The following HIVEP3 variants were observed in gnomAD, a reference collection of about 807,000 sequenced individuals.
The protein encoded by HIVEP3 is transcription factor HIVEP3.
In HIVEP3, 49 loss-of-function variants were observed where a neutral mutation model predicts 152.8. The observed-to-expected ratio is 0.32, with a 90% CI of 0.26 to 0.41. The LOEUF is 0.41. Ranked by LOEUF, HIVEP3 falls within the 10% of genes least tolerant of loss-of-function variation. The pLI is 1.00. For missense variants in HIVEP3, 2,790 were observed against 3,103.3 expected (o/e 0.90, Z 2.40); for synonymous variants, 1,269 against 1,289.0 (o/e 0.98, Z 0.33).
intron 1 of HIVEP3, among the ~76,000 whole-genome samples, chr1:41,746,876 T>G (rs4660562): frequency 0.32 from 48,461 of 151,982 alleles, 8,702 homozygotes; most frequent in East Asian, 0.47. Context: ...GGCTGCTGGG[T>G]GCAGGGTATA....
At chr1:41,928,126 C>G (rs534539082) in intron 1 of HIVEP3, among the ~76,000 whole-genome samples, 1 of 133,946 alleles carries the variant, frequency 7.5e-6, no homozygotes, top group African/African-American at 2.7e-5. Context: ...TTTTAAGAAA[C>G]AGTTAAATAA....
rs182308830 is a variant in HIVEP3 at position 41,804,815 on chromosome 1, C to T, written c.-800-103820G>A. Among the ~76,000 whole-genome samples, 4 of 152,310 alleles carry T rather than the reference C, an allele frequency of 2.6e-5. No homozygotes were observed. In the East Asian group the frequency reaches 5.8e-4, roughly 22 times the overall value. On this transcript the variant is annotated intron_variant, in intron 1 of 8. Coordinates refer to ENST00000372583, the MANE Select transcript of HIVEP3 (RefSeq NM_024503.5). The stretch of plus-strand genomic sequence containing the variant: ...GTGGATTAGAGGAGTTACTCACATG[C>T]TAGATTGTTTTAGAGCATCTCCTAT...
At chr1:41,648,945 T>C (rs564962189) in intron 2 of HIVEP3, among the ~76,000 whole-genome samples, 1 of 152,380 alleles carries the variant, frequency 6.6e-6, no homozygotes, top group South Asian at 2.1e-4. Context: ...GCTGCATAGT[T>C]GATGGCTTGG....
chr1:41,967,846 T>C (rs915612164), intron 1 of HIVEP3, among the ~76,000 whole-genome samples: 1 of 152,072 alleles, frequency 6.6e-6, no homozygotes, highest in African/African-American at 2.4e-5. Flanking sequence ...CAGTAAAAAT[T>C]GATAAAGGGG....
chr1:41,513,159 A>G lies in HIVEP3; in HGVS notation c.6062T>C (p.Met2021Thr), dbSNP rs1642489489. 1 of 1,613,896 alleles carries G rather than the reference A, an allele frequency of 6.2e-7. No individual in the cohort carries two copies. The highest frequency in any genetic ancestry group is 8.5e-7 in the Non-Finnish European group (1 of 1,179,998). Residue 2021 changes from methionine to threonine, a missense_variant, in exon 8 of 9, where the codon ATG becomes ACG. By Grantham distance (81) the Met-to-Thr change is moderately conservative. Coordinates refer to ENST00000372583, the MANE Select transcript of HIVEP3 (RefSeq NM_024503.5). Reference sequence around the variant, plus strand: ...TGGAGACCCACAAGGGAGAGCGCCCATGCCCCTTCCTGGGTCCACGTGCAG... The same window carrying G: ...TGGAGACCCACAAGGGAGAGCGCCCGTGCCCCTTCCTGGGTCCACGTGCAG... ...PGLHVDPGRG[M>T]GALPCGSPRL... is the part of the protein sequence containing the mutation.
In HIVEP3 at chr1:41,873,975, T is replaced by C. The variant is rs1446132462; in HGVS notation, c.-801+44438A>G. ...CTCCTTCCCACCCTCGCTTCCCTTC[T>C]CCTCCACACTGTCAACTCTGCTCCA... is the stretch of plus-strand genomic sequence containing the variant. On this transcript the variant is annotated intron_variant, in intron 1 of 8. Coordinates refer to ENST00000372583, the MANE Select transcript of HIVEP3 (RefSeq NM_024503.5). The surrounding 1 kb of genome is among the most constrained non-coding windows in gnomAD (Gnocchi z 4.2). 2.6e-5 allele frequency among the ~76,000 whole-genome samples: 4 copies of C among 152,106 alleles called. No individual in the cohort carries two copies. Among genetic ancestry groups the C allele is most frequent in the Non-Finnish European group, 5.9e-5 (4 of 68,008 alleles).
rs952481727 is a variant in HIVEP3, at chr1:41,688,398, C to T, written c.-721+12518G>A. Among the ~76,000 whole-genome samples, 10 of 152,226 alleles carry T rather than the reference C, an allele frequency of 6.6e-5. 1 individual carries two copies. The highest frequency in any genetic ancestry group is 6.2e-4 in the South Asian group (3 of 4,832). On this transcript the variant is annotated intron_variant, in intron 2 of 8. Transcript: ENST00000372583. ...CAGATGTATAAAATGTAAGCAATCACTTTTTCTGGTCATATGGCTGACCTG... is the reference window on the plus strand; with the variant it reads ...CAGATGTATAAAATGTAAGCAATCATTTTTTCTGGTCATATGGCTGACCTG...
chr1:41,526,578 CA>C (rs1159738695), intron 5 of HIVEP3, among the ~76,000 whole-genome samples: 5 of 83,376 alleles, frequency 6.0e-5, no homozygotes, highest in Non-Finnish European at 9.7e-5. Flanking sequence ...CTCACACATA[CA>C]CCCCCACACT....
chr1:41,524,661 A>C, intron 6 of HIVEP3, 74 bp downstream of exon 6: 1 of 1,397,442 alleles, frequency 7.2e-7, no homozygotes, highest in Non-Finnish European at 1.0e-6. Context: ...GGGCACCTGA[A>C]CTCTGTGCTG....
At chr1:41,655,950 C>A (rs1462688613) in intron 2 of HIVEP3, among the ~76,000 whole-genome samples, 1 of 152,204 alleles carries the variant, frequency 6.6e-6, no homozygotes, top group East Asian at 1.9e-4. Context: ...TACACCCAAA[C>A]ATACTGTTGA....
intron 5 of HIVEP3, among the ~76,000 whole-genome samples, chr1:41,539,964 G>A (rs1159987764): frequency 6.6e-6 from 1 of 152,200 alleles, no homozygotes; most frequent in East Asian, 1.9e-4. Flanking sequence ...CGAATAGCAG[G>A]TATTGAGGCA....
At chr1:41,977,037 CT>C (rs1645263360) in intron 1 of HIVEP3, among the ~76,000 whole-genome samples, 1 of 152,128 alleles carries the variant, frequency 6.6e-6, no homozygotes, top group Admixed American at 6.5e-5. Flanking sequence ...CAACATATCT[CT>C]AATGTTTGCA....
At chr1:41,779,578 C>A (rs548972257) in intron 1 of HIVEP3, among the ~76,000 whole-genome samples, 2 of 152,346 alleles carry the variant, frequency 1.3e-5, no homozygotes, top group Admixed American at 1.3e-4. Flanking sequence ...TCATTGCAAC[C>A]TCCACCTCCA....
chr1:41,728,444 C>T (rs986898965), intron 1 of HIVEP3, among the ~76,000 whole-genome samples: 5 of 150,536 alleles, frequency 3.3e-5, no homozygotes, highest in East Asian at 1.9e-4. Context: ...GCAGGGGATG[C>T]GGGGCTGGTT....
At chr1:41,656,922 G>C (rs1645637205) in intron 2 of HIVEP3, among the ~76,000 whole-genome samples, 1 of 152,150 alleles carries the variant, frequency 6.6e-6, no homozygotes, top group South Asian at 2.1e-4. Flanking sequence ...TGTTGGGCTG[G>C]GTCCCTAAAA....
In HIVEP3 at chr1:41,533,014, G is replaced by C. The variant is rs1047667935; in HGVS notation, c.5208-8104C>G. On this transcript the variant is annotated intron_variant, in intron 5 of 8. Coordinates refer to ENST00000372583, the MANE Select transcript of HIVEP3 (RefSeq NM_024503.5). This position sits in a 1 kb window ranked among gnomAD's most constrained non-coding sequence, Gnocchi z 4.3. Reference sequence around the variant, plus strand: ...TGGGAGAGAACTGTGGCTTAGCCAAGAGGAGAGGGTTTAGAGGAGGAGGGG... The same window carrying C: ...TGGGAGAGAACTGTGGCTTAGCCAACAGGAGAGGGTTTAGAGGAGGAGGGG... Among the ~76,000 whole-genome samples, 1 of 152,174 alleles carries C rather than the reference G, an allele frequency of 6.6e-6. No homozygotes were observed. The highest frequency in any genetic ancestry group is 2.4e-5 in the African/African-American group (1 of 41,438).
In HIVEP3 at chr1:41,583,199, GGGGGCGGTACTGGGC is replaced by G; in HGVS notation, c.1584_1598del (p.Ser530_Pro534del). The G allele has an allele frequency of 6.2e-7, 1 of 1,611,374 alleles. No individual in the cohort carries two copies. Among genetic ancestry groups the G allele is most frequent in the Non-Finnish European group, 8.5e-7 (1 of 1,178,882 alleles). On this transcript the variant is annotated inframe_deletion, in exon 4 of 9. Transcript: ENST00000372583. The surrounding 1 kb of genome is among the most constrained non-coding windows in gnomAD (Gnocchi z 6.9). ...AGTGGCTTCTCAGGAGAGGCACAGG[GGGGGCGGTACTGGGC>G]GGGTGCTGGAGGCTCAGCAGTGATT...
At chr1:41,564,233 T>A (rs1193628801) in intron 5 of HIVEP3, among the ~76,000 whole-genome samples, 1 of 151,606 alleles carries the variant, frequency 6.6e-6, no homozygotes, top group Non-Finnish European at 1.5e-5. Context: ...CTCAATAGAA[T>A]GGATGGAGAC....
intron 2 of HIVEP3, among the ~76,000 whole-genome samples, chr1:41,670,901 C>T (rs1474969693): frequency 6.6e-6 from 1 of 152,246 alleles, no homozygotes; most frequent in Non-Finnish European, 1.5e-5. Flanking sequence ...AAGGCCCACA[C>T]AGAGGCCTCC....
Sources: gnomAD v4.1 joint callset for allele counts (sites outside exome capture counted in the v4.1 genomes callset) on GRCh38, gnomAD v4.1.1 for gene constraint, Gnocchi (gnomAD v3.1) non-coding constraint, MANE v1.5 for transcripts, NCBI Gene and HGNC (gene_info 2026-07-23, HGNC 2026-07-21) for gene names.